XKR9: variants seen among roughly 807,000 people sequenced by gnomAD.
XKR9 encodes XK-related protein 9.
A neutral mutation model predicts 32.0 loss-of-function variants in XKR9; 32 were observed. The observed-to-expected ratio is 1.00, with a 90% CI of 0.76 to 1.34. The LOEUF is 1.34. XKR9 is among the 40% of genes most tolerant of loss of function. The probability of loss-of-function intolerance (pLI) is 0.00; values close to 1 mark genes in which losing one functional copy is unlikely to be tolerated. For synonymous variants in XKR9, 168 were observed against 143.4 expected, an observed-to-expected ratio of 1.17 and a Z score of -1.22; for missense variants, 546 against 429.7, an observed-to-expected ratio of 1.27 and a Z score of -2.39.
At chr8:70,770,824 G>A (rs1208294763) in intron 2 of XKR9, among the ~76,000 whole-genome samples, 1 of 152,204 alleles carries the variant, frequency 6.6e-6, no homozygotes, top group Non-Finnish European at 1.5e-5. Flanking sequence ...AGAATTTCCA[G>A]CCTGTGATCT....
At chr8:70,749,266 A>G (rs898692686) in intron 2 of XKR9, among the ~76,000 whole-genome samples, 3 of 151,968 alleles carry the variant, frequency 2.0e-5, no homozygotes, top group Non-Finnish European at 2.9e-5. Flanking sequence ...GAGCTGTAAT[A>G]CAAACGGGGC....
the XKR9 span, among the ~76,000 whole-genome samples, chr8:70,906,254 C>T: frequency 3.3e-5 from 5 of 152,218 alleles, no homozygotes. Flanking sequence ...AGGCAGGCCT[C>T]CTTGAGCTGC....
chr8:70,786,428 T>G (rs1807689360), intron 2 of XKR9, among the ~76,000 whole-genome samples: 1 of 152,192 alleles, frequency 6.6e-6, no homozygotes, highest in Non-Finnish European at 1.5e-5. Context: ...TCAGACCCTT[T>G]AATATTTGTT....
the XKR9 span, among the ~76,000 whole-genome samples, chr8:70,872,814 C>G: frequency 6.6e-6 from 1 of 152,120 alleles, no homozygotes; most frequent in African/African-American, 2.4e-5. Flanking sequence ...GCATGTGCCA[C>G]CACGCCCAGC....
the XKR9 span, among the ~76,000 whole-genome samples, chr8:70,901,467 G>T: frequency 6.6e-6 from 1 of 152,192 alleles, no homozygotes; most frequent in African/African-American, 2.4e-5. Context: ...CTTTTGAGAA[G>T]TGTCTGTTCA....
the XKR9 span, among the ~76,000 whole-genome samples, chr8:70,902,470 A>G: frequency 6.6e-6 from 1 of 152,184 alleles, no homozygotes; most frequent in Admixed American, 6.5e-5. Flanking sequence ...TTCTTGGTGT[A>G]TAGGAATGCT....
At chr8:71,044,608 T>G in the XKR9 span, among the ~76,000 whole-genome samples, 1 of 152,348 alleles carries the variant, frequency 6.6e-6, no homozygotes, top group African/African-American at 2.4e-5. Context: ...ATGCTTTAAG[T>G]TACTAATACA....
At chr8:70,812,754 C>T in the XKR9 span, among the ~76,000 whole-genome samples, 3 of 152,116 alleles carry the variant, frequency 2.0e-5, no homozygotes, top group African/African-American at 7.2e-5. Context: ...AGGACCTCTT[C>T]AAGGAGAACT....
the XKR9 span, among the ~76,000 whole-genome samples, chr8:71,037,145 C>G: frequency 6.6e-6 from 1 of 152,030 alleles, no homozygotes; most frequent in Non-Finnish European, 1.5e-5. Context: ...AGTATGAATT[C>G]CAGAAGGTGG....
chr8:70,876,843 C>T, the XKR9 span, among the ~76,000 whole-genome samples: 7 of 151,902 alleles, frequency 4.6e-5, no homozygotes, highest in South Asian at 2.1e-4. Context: ...ATACTGGAGA[C>T]GTGTTGAGAT....
At chr8:70,975,014 T>C in the XKR9 span, among the ~76,000 whole-genome samples, 6 of 152,240 alleles carry the variant, frequency 3.9e-5, no homozygotes, top group Admixed American at 6.5e-5. Context: ...TTTTCCTGTG[T>C]CTTTTGGCTG....
At chr8:70,837,551 A>G in the XKR9 span, among the ~76,000 whole-genome samples, 8 of 152,122 alleles carry the variant, frequency 5.3e-5, no homozygotes, top group East Asian at 1.5e-3. Flanking sequence ...AGGTCAGTGA[A>G]CATGAGTGCT....
intron 1 of XKR9, among the ~76,000 whole-genome samples, 160 bp downstream of exon 1, chr8:70,669,698 G>T (rs1450397004): frequency 1.5e-5 from 2 of 129,316 alleles, no homozygotes; most frequent in Non-Finnish European, 3.1e-5. Context: ...ACGAAGTCTC[G>T]GTCTGTCGCC....
intron 4 of XKR9, among the ~76,000 whole-genome samples, chr8:70,717,650 C>T (rs1275445003): frequency 6.6e-6 from 1 of 152,182 alleles, no homozygotes; most frequent in African/African-American, 2.4e-5. Flanking sequence ...CATCTTAGGC[C>T]TCCAGGTCTG....
chr8:70,786,735 T>C (rs1296176365), intron 2 of XKR9, among the ~76,000 whole-genome samples: 1 of 152,086 alleles, frequency 6.6e-6, no homozygotes, highest in Admixed American at 6.6e-5. Flanking sequence ...TTGTGTCTTT[T>C]TATGGGAGAA....
At chr8:71,014,839 T>G in the XKR9 span, among the ~76,000 whole-genome samples, 3 of 152,220 alleles carry the variant, frequency 2.0e-5, no homozygotes, top group Non-Finnish European at 4.4e-5. Context: ...CATTACTGGT[T>G]GATGACTAGG....
At chr8:70,692,590 T>C (rs1049988615) in intron 3 of XKR9, among the ~76,000 whole-genome samples, 2 of 57,130 alleles carry the variant, frequency 3.5e-5, no homozygotes, top group Non-Finnish European at 6.4e-5. Context: ...TTATTCTTAT[T>C]TTTTTGAGAC....
downstream of XKR9, among the ~76,000 whole-genome samples, chr8:70,738,682 T>C (rs1324403143): frequency 6.6e-6 from 1 of 152,158 alleles, no homozygotes; most frequent in Non-Finnish European, 1.5e-5. Flanking sequence ...TTTGTTCTCG[T>C]TGGTTTCAAA....
At chr8:70,701,983 C>G (rs1294923231) in intron 3 of XKR9, among the ~76,000 whole-genome samples, 2 of 152,060 alleles carry the variant, frequency 1.3e-5, no homozygotes, top group African/African-American at 2.4e-5. Flanking sequence ...GGCTTTTGCT[C>G]TTTTTAGTAC....
Sources: gnomAD v4.1 joint callset for allele counts (sites outside exome capture counted in the v4.1 genomes callset) on GRCh38, gnomAD v4.1.1 for gene constraint, MANE v1.5 for transcripts, NCBI Gene and HGNC (gene_info 2026-07-23, HGNC 2026-07-21) for gene names.